DGKI: variants seen among roughly 807,000 people sequenced by gnomAD.
DGKI encodes the protein DAG kinase iota.
Under a neutral mutation model 147.5 loss-of-function variants are expected in DGKI, and 55 were observed. The observed-to-expected ratio is 0.37, with a 90% CI of 0.30 to 0.47. The LOEUF (loss-of-function observed/expected upper bound fraction) is 0.47. Among genes scored for constraint, DGKI ranks in the 20% least tolerant of loss-of-function variants. The pLI is 1.00. For synonymous variants in DGKI, 469 were observed against 477.1 expected (o/e 0.98, Z 0.22); for missense variants, 1,007 against 1,323.8 (o/e 0.76, Z 3.71).
chr7:137,645,424 G>A, intron 6 of DGKI, 48 bp downstream of exon 6: 1 of 1,555,812 alleles, frequency 6.4e-7, no homozygotes, highest in Non-Finnish European at 8.8e-7. Context: ...GTTGCTTGCA[G>A]AGGCCTGGGG....
chr7:137,605,293 G>T (rs2128991444), intron 10 of DGKI, among the ~76,000 whole-genome samples: 1 of 143,150 alleles, frequency 7.0e-6, no homozygotes, highest in South Asian at 2.2e-4. Flanking sequence ...GGGTGACAGA[G>T]CAAGACTCCG....
At chr7:137,666,463 T>C (rs1822645029) in intron 3 of DGKI, among the ~76,000 whole-genome samples, 1 of 152,228 alleles carries the variant, frequency 6.6e-6, no homozygotes, top group African/African-American at 2.4e-5. Context: ...TTAGGAGAAG[T>C]CTACACCTTG....
chr7:137,805,103 T>C lies in DGKI; in HGVS notation c.401+41359A>G, dbSNP rs150197797. Among the ~76,000 whole-genome samples the C allele has an allele frequency of 5.5e-3, 840 of 152,328 alleles. 6 individuals are homozygous for C. Among genetic ancestry groups the C allele is most frequent in the African/African-American group, 0.019 (806 of 41,574 alleles). ...CACTATTGTACTGATGTGTATTGAGTGCTATTTTGCCAAGATGTTTTTAAA... is the reference window on the plus strand; with the variant it reads ...CACTATTGTACTGATGTGTATTGAGCGCTATTTTGCCAAGATGTTTTTAAA... On this transcript the variant is annotated intron_variant, in intron 1 of 32. Coordinates refer to ENST00000614521, the MANE Select transcript of DGKI (RefSeq NM_001321708.2).
chr7:137,820,563 G>A (rs1232721763), intron 1 of DGKI, among the ~76,000 whole-genome samples: 1 of 152,154 alleles, frequency 6.6e-6, no homozygotes, highest in Non-Finnish European at 1.5e-5. Flanking sequence ...GGGGGGAGAT[G>A]GATGGGCTCT....
chr7:137,565,531 A>G (rs555568752), intron 19 of DGKI, among the ~76,000 whole-genome samples: 164 of 152,330 alleles, frequency 1.1e-3, no homozygotes, highest in African/African-American at 3.9e-3. Context: ...TTCCTAATTC[A>G]TAACTATAAA....
At chr7:137,694,430 C>A (rs1823718375) in intron 1 of DGKI, among the ~76,000 whole-genome samples, 1 of 152,104 alleles carries the variant, frequency 6.6e-6, no homozygotes, top group African/African-American at 2.4e-5. Flanking sequence ...CAGTTTCAGT[C>A]TGATTGTAGG....
At chr7:137,724,915 T>C (rs766528152) in intron 1 of DGKI, among the ~76,000 whole-genome samples, 1 of 152,194 alleles carries the variant, frequency 6.6e-6, no homozygotes, top group Non-Finnish European at 1.5e-5. Flanking sequence ...ATACTCATAC[T>C]GCACCCAGGG....
At chr7:137,680,602 A>AAACCC (rs1429039324) in intron 2 of DGKI, among the ~76,000 whole-genome samples, 1 of 152,116 alleles carries the variant, frequency 6.6e-6, no homozygotes, top group Non-Finnish European at 1.5e-5. Context: ...CAACATGGTG[A>AAACCC]AACCCCATCT....
intron 1 of DGKI, among the ~76,000 whole-genome samples, chr7:137,828,200 A>AT (rs569928502): frequency 3.4e-4 from 52 of 152,178 alleles, no homozygotes; most frequent in East Asian, 1.5e-3. Flanking sequence ...CATAGTGGCT[A>AT]TTTTTTTTAT....
At chr7:137,568,306 G>C (rs1203427579) in intron 19 of DGKI, among the ~76,000 whole-genome samples, 1 of 152,124 alleles carries the variant, frequency 6.6e-6, no homozygotes, top group Non-Finnish European at 1.5e-5. Flanking sequence ...AGAATGCCAA[G>C]TTCCATTCTT....
chr7:137,743,290 T>C (rs933410403), intron 1 of DGKI, among the ~76,000 whole-genome samples: 2 of 152,238 alleles, frequency 1.3e-5, no homozygotes, highest in Non-Finnish European at 2.9e-5. Flanking sequence ...CTAATTGACA[T>C]CTACAGGATA....
intron 28 of DGKI, among the ~76,000 whole-genome samples, chr7:137,426,529 G>A (rs1231476407): frequency 1.3e-5 from 2 of 152,088 alleles, no homozygotes; most frequent in Admixed American, 1.3e-4. Context: ...ATAATGACAG[G>A]ATCAACTTCA....
intron 20 of DGKI, chr7:137,545,895 C>T: frequency 1.4e-6 from 1 of 702,498 alleles, no homozygotes; most frequent in Non-Finnish European, 2.6e-6. Flanking sequence ...TGGCACTGTA[C>T]TCACATGGTG....
chr7:137,588,782 G>A (rs926594720), intron 12 of DGKI, among the ~76,000 whole-genome samples: 7 of 152,040 alleles, frequency 4.6e-5, no homozygotes, highest in South Asian at 2.1e-4. Flanking sequence ...GGCCCATACC[G>A]ATGCCTTTCT....
At chr7:137,586,433 GAAA>G (rs915063386) in intron 13 of DGKI, among the ~76,000 whole-genome samples, 2 of 138,176 alleles carry the variant, frequency 1.4e-5, no homozygotes, top group Admixed American at 1.5e-4. Flanking sequence ...TCTCAAAAAA[GAAA>G]AAAAAAAAGT....
chr7:137,472,745 G>A (rs1157323257), intron 23 of DGKI, among the ~76,000 whole-genome samples: 2 of 151,882 alleles, frequency 1.3e-5, no homozygotes, highest in Non-Finnish European at 2.9e-5. Context: ...ATTTGGAAGT[G>A]ATTCAAAATA....
intron 1 of DGKI, among the ~76,000 whole-genome samples, chr7:137,814,931 A>AT (rs1259339523): frequency 2.0e-5 from 3 of 152,166 alleles, no homozygotes; most frequent in African/African-American, 7.2e-5. Context: ...CTGCCACTGG[A>AT]TTACTCAAGA....
At chr7:137,618,856 G>A (rs1200298865) in intron 8 of DGKI, among the ~76,000 whole-genome samples, 1 of 151,958 alleles carries the variant, frequency 6.6e-6, no homozygotes, top group Non-Finnish European at 1.5e-5. Context: ...AATATCCCAA[G>A]GGCTTCCATA....
intron 5 of DGKI, among the ~76,000 whole-genome samples, chr7:137,651,014 G>A (rs1467753614): frequency 1.3e-5 from 2 of 152,220 alleles, no homozygotes; most frequent in Non-Finnish European, 2.9e-5. Flanking sequence ...GCCAGACAAT[G>A]TGGACCTTTT....
Sources: gnomAD v4.1 joint callset for allele counts (sites outside exome capture counted in the v4.1 genomes callset) on GRCh38, gnomAD v4.1.1 for gene constraint, MANE v1.5 for transcripts, NCBI Gene and HGNC (gene_info 2026-07-23, HGNC 2026-07-21) for gene names.